The following IDI1 variants were observed in gnomAD, a reference collection of about 807,000 sequenced individuals.
IDI1 encodes the protein isopentenyl-diphosphate Delta-isomerase 1.
Under a neutral mutation model 32.9 loss-of-function variants are expected in IDI1, and 23 were observed. The ratio of observed to expected loss-of-function variants is 0.70; its 90% CI spans 0.50 to 0.99. IDI1 has a LOEUF of 0.99. Among genes scored for constraint, IDI1 ranks in the 50% least tolerant of loss-of-function variants. The pLI, the probability that IDI1 is intolerant of heterozygous loss-of-function variation, is 0.00. For synonymous variants in IDI1, 133 were observed against 128.2 expected, an observed-to-expected ratio of 1.04 and a Z score of -0.25; for missense variants, 326 against 351.9, an observed-to-expected ratio of 0.93 and a Z score of 0.59.
rs996763021 is a variant in IDI1 at position 1,042,627 on chromosome 10, G to T, written c.537+5C>A. On this transcript the variant is annotated splice_donor_5th_base_variant and intron_variant, in intron 4 of 4. Coordinates refer to ENST00000381344, the MANE Select transcript of IDI1 (RefSeq NM_004508.4). ...CTTGTATGGTTGTGTAGGAGAGCTG[G>T]TTACCTCTTCCAAGGGAATTCCTAG... 1.2e-6 allele frequency: 2 copies of T among 1,613,648 alleles called. No individual in the cohort carries two copies. Among genetic ancestry groups the T allele is most frequent in the Admixed American group, 1.7e-5 (1 of 60,006 alleles).
chr10:1,045,875 G>C (rs1832792221), intron 1 of IDI1, among the ~76,000 whole-genome samples: 2 of 49,320 alleles, frequency 4.1e-5, no homozygotes, highest in South Asian at 9.3e-4. Flanking sequence ...GGGTGTGTGT[G>C]TGTGTGTGTG....
upstream of IDI1, among the ~76,000 whole-genome samples, chr10:1,050,760 A>G (rs1480798879): frequency 6.6e-6 from 1 of 152,156 alleles, no homozygotes; most frequent in Non-Finnish European, 1.5e-5. Flanking sequence ...TCACGTGCAC[A>G]CCTCTGGGAT....
At chr10:1,045,551 C>G (rs941136117) in intron 1 of IDI1, among the ~76,000 whole-genome samples, 2 of 152,234 alleles carry the variant, frequency 1.3e-5, no homozygotes, top group African/African-American at 2.4e-5. Context: ...ACTACAACCC[C>G]CACCTCCTGG....
upstream of IDI1, among the ~76,000 whole-genome samples, chr10:1,051,652 C>T (rs528259687): frequency 2.2e-4 from 34 of 152,170 alleles, no homozygotes; most frequent in African/African-American, 7.0e-4. Context: ...ACTGAATGGT[C>T]GAGATGATTA....
At chr10:1,049,681 TTTCA>T (rs1832940324), upstream of IDI1, 1 of 151,768 alleles carries the variant, frequency 6.6e-6, no homozygotes, top group Non-Finnish European at 1.5e-5. Flanking sequence ...TTTGAGACAG[TTTCA>T]TTCTTGTTGC....
chr10:1,039,205 G>T (rs1479513186), downstream of IDI1: 1 of 148,088 alleles, frequency 6.8e-6, no homozygotes, highest in African/African-American at 2.5e-5. Flanking sequence ...TGTCCCCAGG[G>T]AGCAGGTGGA....
At chr10:1,052,593 CTT>C (rs928816650), upstream of IDI1, among the ~76,000 whole-genome samples, 34 of 150,180 alleles carry the variant, frequency 2.3e-4, no homozygotes, top group African/African-American at 7.8e-4. Context: ...GAAACGAAAT[CTT>C]TTTTTTTTCC....
In IDI1 at chr10:1,041,474, G is replaced by C. The variant is rs1361735443; in HGVS notation, c.568C>G (p.Arg190Gly). The change falls in exon 5 of 5, where the codon CGA becomes GGA. Residue 190 changes from arginine to glycine, a missense_variant. By Grantham distance (125) the Arg-to-Gly change is moderately radical. Transcript: ENST00000381344. ...VPPEEINYLT[R>G]IHYKAQSDGI... ...TCAGACTGAGCTTTGTAGTGAATTC[G>C]TGTTAAATAATTAATTTCTTCTGGA... 6.3e-7 allele frequency: 1 copy of C among 1,576,524 alleles called. No homozygotes were observed. The highest frequency in any genetic ancestry group is 1.8e-5 in the Admixed American group (1 of 55,652).
rs959895316 is a variant in IDI1 at position 1,044,169 on chromosome 10, A to T, written c.143T>A (p.Val48Asp). Reference sequence around the variant, plus strand: ...TACAAAATGTCTGATCTGTTCTAGAACACTAATATTAAAGGAAAAGAGAAA... The same window carrying T: ...TACAAAATGTCTGATCTGTTCTAGATCACTAATATTAAAGGAAAAGAGAAA... The part of the protein sequence containing the change: ...AVVCGRRLIS[V>D]LEQIRHFVMM... The change falls in exon 2 of 5, where the codon GTT (valine) becomes GAT (aspartate). Residue 48 changes from valine to aspartate, a missense_variant and splice_region_variant. Around this residue, in one of 2 missense-constraint regions of IDI1, gnomAD observed 121 missense variants for 78.4 expected, o/e 1.54. Coordinates refer to ENST00000381344, the MANE Select transcript of IDI1 (RefSeq NM_004508.4). 5.6e-5 allele frequency: 90 copies of T among 1,601,436 alleles called. No homozygotes were observed. The highest frequency in any genetic ancestry group is 7.5e-5 in the Non-Finnish European group (88 of 1,174,374).
upstream of IDI1, among the ~76,000 whole-genome samples, chr10:1,050,395 C>A (rs759370031): frequency 1.3e-5 from 2 of 151,886 alleles, no homozygotes; most frequent in African/African-American, 2.4e-5. Context: ...GGAATCAGGA[C>A]TTTTAAGTGA....
rs755333167 is a variant in IDI1 at position 1,043,953 on chromosome 10, TG to T, written c.313+45del. The T allele has an allele frequency of 4.6e-6, 7 of 1,536,406 alleles. No homozygotes were observed. The African/African-American group carries it at 8.2e-5, about 18-fold the overall frequency. On this transcript the variant is annotated intron_variant, in intron 2 of 4. Coordinates refer to ENST00000381344, the MANE Select transcript of IDI1 (RefSeq NM_004508.4). ...AGTGCTCTTCTCAGCAAATCGGAAA[TG>T]CCTACACAAATCGCTTTACAAGAAA...
chr10:1,051,948 C>A (rs912499128), upstream of IDI1, among the ~76,000 whole-genome samples: 2 of 152,190 alleles, frequency 1.3e-5, no homozygotes, highest in African/African-American at 4.8e-5. Flanking sequence ...TCTTGGCTCA[C>A]TGTAACCTCC....
At chr10:1,055,066 A>G in the IDI1 span, among the ~76,000 whole-genome samples, 6 of 152,236 alleles carry the variant, frequency 3.9e-5, no homozygotes, top group African/African-American at 9.6e-5. Context: ...ACCTCTGACA[A>G]TAAATTTGTT....
At chr10:1,054,567 T>C in the IDI1 span, among the ~76,000 whole-genome samples, 1 of 151,928 alleles carries the variant, frequency 6.6e-6, no homozygotes, top group African/African-American at 2.4e-5. Flanking sequence ...ATTGGTTTTC[T>C]GAGACAGGAT....
Sources: allele counts gnomAD v4.1 joint callset (sites outside exome capture counted in the v4.1 genomes callset), GRCh38; gene constraint gnomAD v4.1.1; regional missense constraint gnomAD v4.1.1; transcripts MANE v1.5; gene names NCBI Gene and HGNC (gene_info 2026-07-23, HGNC 2026-07-21).